GRID2: variants seen among roughly 807,000 people sequenced by gnomAD.
GRID2 encodes glutamate ionotropic receptor delta type subunit 2.
GRID2 carries 33 observed loss-of-function variants against 114.8 expected under a neutral mutation model. The observed-to-expected ratio is 0.29, with a 90% confidence interval of 0.22 to 0.38. The LOEUF (loss-of-function observed/expected upper bound fraction) is 0.38, where lower values mean the gene tolerates loss of function less well. Ranked by LOEUF, GRID2 falls within the 10% of genes least tolerant of loss-of-function variation. GRID2 has a pLI of 1.00. For missense variants in GRID2, 1,184 were observed against 1,257.7 expected (o/e 0.94, Z 0.89); for synonymous variants, 505 against 449.9 (o/e 1.12, Z -1.55).
At chr4:92,955,637 A>C (rs1752349463) in intron 2 of GRID2, among the ~76,000 whole-genome samples, 1 of 152,020 alleles carries the variant, frequency 6.6e-6, no homozygotes. Flanking sequence ...CCCATTTGTC[A>C]ATTTTGGCTT....
intron 14 of GRID2, among the ~76,000 whole-genome samples, chr4:93,721,236 C>T (rs551547562): frequency 2.9e-4 from 44 of 151,996 alleles, no homozygotes; most frequent in African/African-American, 1.0e-3. Flanking sequence ...AATATAGCTC[C>T]TAAAAAGGGA....
intron 14 of GRID2, among the ~76,000 whole-genome samples, chr4:93,767,016 T>A (rs550535443): frequency 5.3e-5 from 8 of 152,324 alleles, no homozygotes; most frequent in African/African-American, 1.9e-4. Context: ...CATGATTACA[T>A]CTTTGTGTGT....
chr4:93,248,494 C>A (rs1194234154), intron 8 of GRID2, among the ~76,000 whole-genome samples: 2 of 152,008 alleles, frequency 1.3e-5, no homozygotes, highest in African/African-American at 4.8e-5. Flanking sequence ...TCTGTTGAAC[C>A]AAAATTCCAG....
At chr4:93,193,884 T>G (rs1741232765) in intron 4 of GRID2, among the ~76,000 whole-genome samples, 1 of 152,172 alleles carries the variant, frequency 6.6e-6, no homozygotes, top group African/African-American at 2.4e-5. Context: ...CTCACAGCAT[T>G]TATGGCCTCA....
chr4:92,681,798 T>C (rs1453417283), intron 2 of GRID2, among the ~76,000 whole-genome samples: 1 of 152,144 alleles, frequency 6.6e-6, no homozygotes, highest in Non-Finnish European at 1.5e-5. Context: ...GTCATTGGTT[T>C]GTTGATTTAA....
At chr4:92,402,787 T>G (rs995586902) in intron 1 of GRID2, among the ~76,000 whole-genome samples, 1 of 152,200 alleles carries the variant, frequency 6.6e-6, no homozygotes, top group African/African-American at 2.4e-5. Context: ...TAAAGTGACC[T>G]GCTGCATTAG....
Position 92,731,644 on chromosome 4 carries a change from AT to A in GRID2, c.244+141360del, listed in dbSNP as rs376402469. On this transcript the variant is annotated intron_variant, in intron 2 of 15. Transcript: ENST00000282020. ...ATATTTTATCTATTAAATGTGAATA[AT>A]TAAAGAGGGTGAATTTGGGTAAACT... is the stretch of plus-strand genomic sequence containing the variant. Among the ~76,000 whole-genome samples the A allele has an allele frequency of 1.9e-4, 29 of 152,080 alleles. No homozygotes were observed. The East Asian group carries it at 4.2e-3, about 22-fold the overall frequency.
In GRID2 at chr4:92,502,527, G is replaced by A. The variant is rs983441687; in HGVS notation, c.89-87604G>A. Among the ~76,000 whole-genome samples, 4 of 152,060 alleles carry A rather than the reference G, an allele frequency of 2.6e-5. No homozygotes were observed. The East Asian group carries it at 7.8e-4, about 30-fold the overall frequency. Reference sequence around the variant, plus strand: ...GATACATTAGAAAGAAATGTTCTGAGTAAGAAGTCTGGTCTGGAACATCGA... The same window carrying A: ...GATACATTAGAAAGAAATGTTCTGAATAAGAAGTCTGGTCTGGAACATCGA... On this transcript the variant is annotated intron_variant, in intron 1 of 15. Coordinates refer to ENST00000282020, the MANE Select transcript of GRID2 (RefSeq NM_001510.4).
At chr4:92,600,042 G>GTATATATATA (rs1264402444) in intron 2 of GRID2, among the ~76,000 whole-genome samples, 30 of 70,352 alleles carry the variant, frequency 4.3e-4, no homozygotes, top group African/African-American at 7.7e-4. Flanking sequence ...GTGTGTGTGT[G>GTATATATATA]TGTATATATA....
intron 2 of GRID2, among the ~76,000 whole-genome samples, chr4:92,630,710 A>T (rs72882157): frequency 0.012 from 1,807 of 151,932 alleles, 37 homozygotes; most frequent in African/African-American, 0.042. Flanking sequence ...ATAGTTTGTC[A>T]GTTTCCTCTA....
At chr4:92,794,874 T>TTTTATATATATATATA (rs139320071) in intron 2 of GRID2, among the ~76,000 whole-genome samples, 1 of 106,052 alleles carries the variant, frequency 9.4e-6, no homozygotes, top group Non-Finnish European at 1.8e-5. Flanking sequence ...AATAATTGTT[T>TTTTATATATATATATA]TATATATATA....
intron 8 of GRID2, among the ~76,000 whole-genome samples, chr4:93,297,182 T>C (rs1357011607): frequency 3.9e-5 from 6 of 152,190 alleles, no homozygotes; most frequent in Non-Finnish European, 8.8e-5. Context: ...TGAATTCCCA[T>C]TTCTATTACG....
At chr4:92,423,173 A>G (rs1234225920) in intron 1 of GRID2, among the ~76,000 whole-genome samples, 1 of 152,186 alleles carries the variant, frequency 6.6e-6, no homozygotes. Context: ...CTGATGTGGT[A>G]GAAAGAAATA....
At chr4:93,624,169 A>T (rs1280107353) in intron 13 of GRID2, among the ~76,000 whole-genome samples, 2 of 149,980 alleles carry the variant, frequency 1.3e-5, no homozygotes, top group Non-Finnish European at 3.0e-5. Flanking sequence ...AAAGCAAATC[A>T]TTTGTATATA....
At chr4:92,738,684 C>T (rs772193558) in intron 2 of GRID2, among the ~76,000 whole-genome samples, 53 of 152,056 alleles carry the variant, frequency 3.5e-4, no homozygotes, top group Non-Finnish European at 6.6e-4. Context: ...CAGGATCTCA[C>T]TCTGTTGCTC....
chr4:93,178,966 A>G (rs1007706376), intron 4 of GRID2, among the ~76,000 whole-genome samples: 8 of 152,014 alleles, frequency 5.3e-5, no homozygotes, highest in Admixed American at 6.6e-5. Context: ...ATAAGTCAAG[A>G]TTTCTGGCTC....
At chr4:93,516,908 C>T (rs1220290588) in intron 13 of GRID2, among the ~76,000 whole-genome samples, 1 of 152,050 alleles carries the variant, frequency 6.6e-6, no homozygotes, top group African/African-American at 2.4e-5. Flanking sequence ...GGAGCCAAAG[C>T]TCCCCCTGCC....
At chr4:92,686,548 A>G (rs1308880602) in intron 2 of GRID2, among the ~76,000 whole-genome samples, 3 of 152,090 alleles carry the variant, frequency 2.0e-5, no homozygotes, top group African/African-American at 7.2e-5. Context: ...TGAGAATTTA[A>G]TAAAACGCTT....
At chr4:93,309,854 A>G (rs1357064921) in intron 8 of GRID2, among the ~76,000 whole-genome samples, 1 of 152,192 alleles carries the variant, frequency 6.6e-6, no homozygotes, top group Non-Finnish European at 1.5e-5. Context: ...TCCCCTTATG[A>G]GGAAGAGAAT....
Sources: allele counts gnomAD v4.1 joint callset (sites outside exome capture counted in the v4.1 genomes callset), GRCh38; gene constraint gnomAD v4.1.1; transcripts MANE v1.5; gene names NCBI Gene and HGNC (gene_info 2026-07-23, HGNC 2026-07-21).